SLC35F3: variants seen among roughly 807,000 people sequenced by gnomAD.
SLC35F3 encodes the protein solute carrier family 35 member F3.
In SLC35F3, 25 loss-of-function variants were observed where a neutral mutation model predicts 49.9. The ratio of observed to expected loss-of-function variants is 0.50; its 90% CI spans 0.37 to 0.70. The LOEUF (loss-of-function observed/expected upper bound fraction) is 0.70. SLC35F3 is among the 30% of genes least tolerant of loss of function. The pLI, the probability that SLC35F3 is intolerant of heterozygous loss-of-function variation, is 0.00. For synonymous variants in SLC35F3, 275 were observed against 265.4 expected, an observed-to-expected ratio of 1.04 and a Z score of -0.35; for missense variants, 525 against 639.8, an observed-to-expected ratio of 0.82 and a Z score of 1.94.
At chr1:234,034,919 G>A (rs1335399039) in intron 2 of SLC35F3, among the ~76,000 whole-genome samples, 1 of 152,094 alleles carries the variant, frequency 6.6e-6, no homozygotes, top group East Asian at 1.9e-4. Flanking sequence ...GGTTTTCTAT[G>A]ACCCTATCAT....
At position 233,992,561 on chromosome 1, in the gene SLC35F3, C is replaced by G. The variant is rs567573302; in HGVS notation, c.283+86803C>G. 3.3e-5 allele frequency among the ~76,000 whole-genome samples: 5 copies of G among 152,294 alleles called. No homozygotes were observed. In the South Asian group the frequency reaches 1.0e-3, roughly 32 times the overall value. ...ATGCAGTCTTGCAAAAGAGAGAACT[C>G]ACTCACTACCTCGAGAATAGCACCA... On this transcript the variant is annotated intron_variant, in intron 2 of 7. Transcript: ENST00000366618.
At chr1:233,998,696 A>G (rs1272604053) in intron 2 of SLC35F3, among the ~76,000 whole-genome samples, 2 of 152,116 alleles carry the variant, frequency 1.3e-5, no homozygotes, top group African/African-American at 4.8e-5. Flanking sequence ...TAGTCTTATT[A>G]AGAAACTGAA....
chr1:233,964,958 C>G (rs942535622), intron 2 of SLC35F3, among the ~76,000 whole-genome samples: 17 of 152,190 alleles, frequency 1.1e-4, no homozygotes, highest in Non-Finnish European at 2.5e-4. Flanking sequence ...CACCAAGATT[C>G]TTATAAGTGA....
At chr1:234,121,748 G>A (rs1347531965) in intron 2 of SLC35F3, among the ~76,000 whole-genome samples, 1 of 152,088 alleles carries the variant, frequency 6.6e-6, no homozygotes, top group East Asian at 1.9e-4. Flanking sequence ...GGTGTGTGAT[G>A]TTCCCTGCCC....
In SLC35F3 at chr1:234,323,864, G is replaced by C. The variant is rs932684451; in HGVS notation, c.*621G>C. ...GAAGGACAAGATAAGTCCAAGCCCC[G>C]GCTGGCCTGCTCTCACGTGTCTGTG... On this transcript the variant is annotated 3_prime_UTR_variant, in exon 8 of 8. Transcript: ENST00000366618. This position sits in a 1 kb window ranked among gnomAD's most constrained non-coding sequence, Gnocchi z 4.5. 6.5e-6 allele frequency: 1 copy of C among 153,776 alleles called. No homozygotes were observed. The highest frequency in any genetic ancestry group is 2.4e-5 in the African/African-American group (1 of 41,438). The allele number at this position is 153,776 out of a possible 1,614,324, so 9.5% of individuals were successfully genotyped here.
chr1:233,994,494 C>T (rs534634809), intron 2 of SLC35F3, among the ~76,000 whole-genome samples: 19 of 152,096 alleles, frequency 1.2e-4, no homozygotes, highest in South Asian at 2.1e-4. Context: ...GTAGGAACAC[C>T]GGCCTGTTTT....
intron 2 of SLC35F3, among the ~76,000 whole-genome samples, chr1:234,166,136 A>G: frequency 6.6e-6 from 1 of 152,178 alleles, no homozygotes; most frequent in East Asian, 1.9e-4. Context: ...TGTCTTTGCA[A>G]CTGTGAACTG....
intron 3 of SLC35F3, chr1:234,285,581 A>G: frequency 3.4e-6 from 1 of 293,942 alleles, no homozygotes; most frequent in Non-Finnish European, 6.7e-6. Context: ...CACAGATGCC[A>G]GATGATTCCT....
intron 2 of SLC35F3, among the ~76,000 whole-genome samples, chr1:233,907,197 A>G (rs1661791263): frequency 6.6e-6 from 1 of 152,244 alleles, no homozygotes; most frequent in African/African-American, 2.4e-5. Context: ...CCTTAATAAC[A>G]AAAGACAGTG....
At chr1:234,161,584 T>C (rs1000352163) in intron 2 of SLC35F3, among the ~76,000 whole-genome samples, 13 of 151,968 alleles carry the variant, frequency 8.6e-5, no homozygotes, top group Non-Finnish European at 7.4e-5. Context: ...AAACCCCATC[T>C]CTACAAAAAA....
intron 3 of SLC35F3, among the ~76,000 whole-genome samples, chr1:234,275,331 TC>T (rs1386345050): frequency 6.9e-6 from 1 of 144,674 alleles, no homozygotes; most frequent in African/African-American, 2.6e-5. Flanking sequence ...CATCCCAAAA[TC>T]CCAAAAAAAA....
Position 234,141,071 on chromosome 1 carries a change from A to T in SLC35F3, c.284-90346A>T, listed in dbSNP as rs547909755. Among the ~76,000 whole-genome samples, 3 of 152,324 alleles carry T rather than the reference A, an allele frequency of 2.0e-5. No individual in the cohort carries two copies. The South Asian group carries it at 6.2e-4, about 32-fold the overall frequency. On this transcript the variant is annotated intron_variant, in intron 2 of 7. Transcript: ENST00000366618. ...GGAGCGACCATGTAGTGGAACAAAG[A>T]TCATTTTTCAAAGCAGTCACTGAGG...
At chr1:234,317,300 A>G (rs4920176) in intron 5 of SLC35F3, among the ~76,000 whole-genome samples, 2,326 of 152,320 alleles carry the variant, frequency 0.015, 115 homozygotes, top group East Asian at 0.1. Context: ...CTTCAGGTCT[A>G]GAGGAAACAA....
intron 2 of SLC35F3, among the ~76,000 whole-genome samples, chr1:234,058,286 C>T (rs1217739569): frequency 2.2e-5 from 3 of 135,928 alleles, no homozygotes; most frequent in Non-Finnish European, 4.6e-5. Flanking sequence ...GTCTCAGTCT[C>T]ACTTAGTTAT....
chr1:234,106,270 T>A (rs1398124142), intron 2 of SLC35F3, among the ~76,000 whole-genome samples: 1 of 152,226 alleles, frequency 6.6e-6, no homozygotes, highest in Non-Finnish European at 1.5e-5. Flanking sequence ...GGTAAGTGTC[T>A]GCTGGGGACT....
At position 233,974,559 on chromosome 1, in the gene SLC35F3, A is replaced by C. The variant is rs1297849249; in HGVS notation, c.283+68801A>C. ...GTGTTCTTCCTCCTTGAGCAAAGTCAAGTTTTCTCATAGTGGCCCAGTTAG... is the reference window on the plus strand; with the variant it reads ...GTGTTCTTCCTCCTTGAGCAAAGTCCAGTTTTCTCATAGTGGCCCAGTTAG... On this transcript the variant is annotated intron_variant, in intron 2 of 7. Coordinates refer to ENST00000366618, the MANE Select transcript of SLC35F3 (RefSeq NM_173508.4). Among the ~76,000 whole-genome samples the C allele has an allele frequency of 2.0e-5, 3 of 152,142 alleles. 1 individual carries two copies. Among genetic ancestry groups the C allele is most frequent in the Admixed American group, 1.3e-4 (2 of 15,270 alleles).
chr1:234,295,973 G>A (rs1453390024), intron 3 of SLC35F3, among the ~76,000 whole-genome samples: 1 of 152,222 alleles, frequency 6.6e-6, no homozygotes, highest in African/African-American at 2.4e-5. Context: ...GTTGGATCAT[G>A]TGTTATACAA....
chr1:234,092,421 C>T (rs1665057375), intron 2 of SLC35F3, among the ~76,000 whole-genome samples: 1 of 152,126 alleles, frequency 6.6e-6, no homozygotes, highest in East Asian at 1.9e-4. Context: ...CCTACACTTG[C>T]CCCAGAGTTT....
intron 2 of SLC35F3, among the ~76,000 whole-genome samples, chr1:234,157,022 G>C (rs754855681): frequency 2.6e-5 from 4 of 152,124 alleles, no homozygotes; most frequent in Non-Finnish European, 5.9e-5. Flanking sequence ...TGATAAAAAT[G>C]TTATAAAATT....
Sources: allele counts gnomAD v4.1 joint callset (sites outside exome capture counted in the v4.1 genomes callset), GRCh38; gene constraint gnomAD v4.1.1; non-coding constraint Gnocchi (gnomAD v3.1); transcripts MANE v1.5; gene names NCBI Gene and HGNC (gene_info 2026-07-23, HGNC 2026-07-21).